KLHL36: variants seen among roughly 807,000 people sequenced by gnomAD.
KLHL36 encodes the protein kelch-like protein 36.
A neutral mutation model predicts 53.3 loss-of-function variants in KLHL36; 35 were observed. That is an observed-to-expected ratio of 0.66 (90% CI 0.50 to 0.87). The LOEUF is 0.87. Ranked by LOEUF, KLHL36 falls within the 40% of genes least tolerant of loss-of-function variation. The pLI, the probability that KLHL36 is intolerant of heterozygous loss-of-function variation, is 0.00. For synonymous variants in KLHL36, 472 were observed against 398.9 expected (o/e 1.18, Z -2.18); for missense variants, 864 against 897.6 (o/e 0.96, Z 0.48).
intron 2 of KLHL36, among the ~76,000 whole-genome samples, chr16:84,652,274 C>A (rs1034954980): frequency 1.2e-4 from 18 of 146,498 alleles, no homozygotes; most frequent in African/African-American, 3.7e-4. Flanking sequence ...ATGTTTCTAA[C>A]TTTTTTTTTT....
chr16:84,657,583 A>C lies in KLHL36; in HGVS notation c.776A>C (p.Lys259Thr). ...VKPAVCSLLPKEANCEGFIEE... is the reference protein window; with the variant it reads ...VKPAVCSLLPTEANCEGFIEE... ...CCGGCCGTGTGCTCGCTGCTGCCCA[A>C]GGAGGCCAACTGCGAGGGCTTCATC... is the stretch of plus-strand genomic sequence containing the variant. Residue 259 changes from lysine to threonine, a missense_variant, in exon 3 of 5, where the codon AAG becomes ACG. By Grantham distance (78) the Lys-to-Thr change is moderately conservative. Coordinates refer to ENST00000564996, the MANE Select transcript of KLHL36 (RefSeq NM_024731.4). 1 of 1,611,152 alleles carries C rather than the reference A, an allele frequency of 6.2e-7. No homozygotes were observed. The highest frequency in any genetic ancestry group is 8.5e-7 in the Non-Finnish European group (1 of 1,179,848).
In KLHL36 at chr16:84,648,898, C is replaced by G. The variant is rs1478014887; in HGVS notation, c.-17+249C>G. Reference sequence around the variant, plus strand: ...CCCCGCGCGTGGCAGGTGAGTGGCCCCCGCCCCGGGCCGTCCCGACTCCGC... The same window carrying G: ...CCCCGCGCGTGGCAGGTGAGTGGCCGCCGCCCCGGGCCGTCCCGACTCCGC... On this transcript the variant is annotated intron_variant, in intron 1 of 4. Transcript: ENST00000564996. This position sits in a 1 kb window ranked among gnomAD's most constrained non-coding sequence, Gnocchi z 4.9. 11 of 152,206 alleles carry G rather than the reference C, an allele frequency of 7.2e-5. No homozygotes were observed. In the East Asian group the frequency reaches 1.2e-3, roughly 16 times the overall value. 9.4% of individuals were successfully genotyped at this position (152,206 alleles called of 1,614,324 possible).
At chr16:84,658,369 G>A (rs1302523651) in intron 3 of KLHL36, 1 of 155,988 alleles carries the variant, frequency 6.4e-6, no homozygotes, top group Non-Finnish European at 1.4e-5. Context: ...TTGGACAGTA[G>A]CATGGGTCTA....
intron 3 of KLHL36, 86 bp downstream of exon 3, chr16:84,658,030 G>A: frequency 1.0e-6 from 1 of 1,000,700 alleles, no homozygotes; most frequent in Non-Finnish European, 1.4e-6. Context: ...ACCTCTCTGG[G>A]GCCTTGACAA....
intron 4 of KLHL36, among the ~76,000 whole-genome samples, chr16:84,660,509 A>AT (rs1907483314): frequency 6.6e-6 from 1 of 152,116 alleles, no homozygotes; most frequent in African/African-American, 2.4e-5. Context: ...GGTGCACACC[A>AT]TTTTTTCCAC....
rs1031092060 is a variant in KLHL36, at chr16:84,657,580, C to T, written c.773C>T (p.Pro258Leu). 3 of 1,611,010 alleles carry T rather than the reference C, an allele frequency of 1.9e-6. No individual in the cohort carries two copies. The highest frequency in any genetic ancestry group is 2.5e-6 in the Non-Finnish European group (3 of 1,179,854). The change falls in exon 3 of 5, where the codon CCC (proline) becomes CTC (leucine). Residue 258 changes from proline to leucine, a missense_variant. By Grantham distance (98) the Pro-to-Leu change is moderately conservative (BLOSUM62 -3). Coordinates refer to ENST00000564996, the MANE Select transcript of KLHL36 (RefSeq NM_024731.4). ...AAGCCGGCCGTGTGCTCGCTGCTGCCCAAGGAGGCCAACTGCGAGGGCTTC... is the reference window on the plus strand; with the variant it reads ...AAGCCGGCCGTGTGCTCGCTGCTGCTCAAGGAGGCCAACTGCGAGGGCTTC... Reference protein sequence around the residue: ...RVKPAVCSLLPKEANCEGFIE... With the variant: ...RVKPAVCSLLLKEANCEGFIE...
Position 84,666,681 on chromosome 16 carries a change from C to G in KLHL36, c.*4548C>G, listed in dbSNP as rs1907851575. ...AACAATGAACCATTCTTGCACTTTA[C>G]AGAATCATTGTCCTTAGCTTTAGAG... On this transcript the variant is annotated 3_prime_UTR_variant, in exon 5 of 5. Transcript: ENST00000564996. 1.3e-5 allele frequency: 2 copies of G among 152,190 alleles called. No individual in the cohort carries two copies. The highest frequency in any genetic ancestry group is 1.3e-4 in the Admixed American group (2 of 15,276). The allele number at this position is 152,190 out of a possible 1,614,324, so 9.4% of individuals were successfully genotyped here.
chr16:84,660,141 C>T (rs570769159), intron 4 of KLHL36, among the ~76,000 whole-genome samples: 6 of 152,202 alleles, frequency 3.9e-5, no homozygotes, highest in African/African-American at 1.4e-4. Flanking sequence ...GCCGCCATGA[C>T]GGACATCCCT....
Position 84,661,554 on chromosome 16 carries a change from T to TG in KLHL36, c.1296-23dup, listed in dbSNP as rs1441527881. The stretch of plus-strand genomic sequence containing the variant: ...CTGGCACAGCCCTGAGCTCTCCCTC[T>TG]GTCTCTGCCCGTCGACCCTGCAGGT... On this transcript the variant is annotated intron_variant, in intron 4 of 4. Coordinates refer to ENST00000564996, the MANE Select transcript of KLHL36 (RefSeq NM_024731.4). The surrounding 1 kb of genome is among the most constrained non-coding windows in gnomAD (Gnocchi z 7.9). The TG allele has an allele frequency of 1.9e-5, 29 of 1,552,488 alleles. No homozygotes were observed. The South Asian group carries it at 2.7e-4, about 14-fold the overall frequency.
chr16:84,649,934 C>T (rs1377842307), intron 1 of KLHL36, among the ~76,000 whole-genome samples: 3 of 152,190 alleles, frequency 2.0e-5, no homozygotes, highest in Non-Finnish European at 2.9e-5. Context: ...TCTGTGTTCC[C>T]TTCCATCTTT....
In KLHL36 at chr16:84,661,732, G is replaced by A. The variant is rs1288358121; in HGVS notation, c.1450G>A (p.Gly484Ser). 4 of 1,613,342 alleles carry A rather than the reference G, an allele frequency of 2.5e-6. No homozygotes were observed. The highest frequency in any genetic ancestry group is 3.4e-6 in the Non-Finnish European group (4 of 1,179,956). ...GCGGCGGCCCATGACCACGGCGCGC[G>A]GCTGGCACAGCATGTGCAGCCTGGG... ...EERRPMTTAR[G>S]WHSMCSLGDS... The change falls in exon 5 of 5, where the codon GGC becomes AGC. Residue 484 changes from glycine to serine, a missense_variant. Physicochemically the swap from Gly to Ser is moderately conservative, Grantham distance 56. Transcript: ENST00000564996. This position sits in a 1 kb window ranked among gnomAD's most constrained non-coding sequence, Gnocchi z 7.9.
chr16:84,659,870 G>A lies in KLHL36; in HGVS notation c.1248G>A (p.Thr416=), dbSNP rs775229789. Residue 416 remains threonine (T), a synonymous_variant, in exon 4 of 5, where the codon ACG becomes ACA. Coordinates refer to ENST00000564996, the MANE Select transcript of KLHL36 (RefSeq NM_024731.4). ...ACGGAGCGCTCTCTTCAGTAGAGAC[G>A]TACAGTCCCAAGACTGACTCCTGGT... ...NENGALSSVE[T]YSPKTDSWSY... is the part of the protein sequence containing the mutation. 1.8e-5 allele frequency: 29 copies of A among 1,614,004 alleles called. No individual in the cohort carries two copies. The highest frequency in any genetic ancestry group is 2.2e-5 in the South Asian group (2 of 91,082).
Position 84,659,894 on chromosome 16 carries a change from G to C in KLHL36, c.1272G>C (p.Trp424Cys). The C allele has an allele frequency of 6.2e-7, 1 of 1,609,278 alleles. No homozygotes were observed. Among genetic ancestry groups the C allele is most frequent in the Non-Finnish European group, 8.5e-7 (1 of 1,176,102 alleles). The change falls in exon 4 of 5, where the codon TGG becomes TGC. Residue 424 changes from tryptophan (W) to cysteine (C), a missense_variant. Trp to Cys is a radical substitution (Grantham distance 215). Coordinates refer to ENST00000564996, the MANE Select transcript of KLHL36 (RefSeq NM_024731.4). Reference protein sequence around the residue: ...VETYSPKTDSWSYVAGLPRFT... With the variant: ...VETYSPKTDSCSYVAGLPRFT... ...CGTACAGTCCCAAGACTGACTCCTG[G>C]TCCTATGTGGCCGGCTTGCCAAGGT... is the stretch of plus-strand genomic sequence containing the variant.
chr16:84,657,647 G>A lies in KLHL36; in HGVS notation c.840G>A (p.Gln280=), dbSNP rs1282725203. ...GCTACCACAACAACCTGGCGGCCCA[G>A]CCCGTCATGCAGACCAAGCGCACGG... ...AVRYHNNLAA[Q]PVMQTKRTAL... Residue 280 remains glutamine, a synonymous_variant, in exon 3 of 5, where the codon CAG becomes CAA. Transcript: ENST00000564996. The A allele has an allele frequency of 6.2e-7, 1 of 1,612,066 alleles. No individual in the cohort carries two copies. Among genetic ancestry groups the A allele is most frequent in the Non-Finnish European group, 8.5e-7 (1 of 1,179,582 alleles).
At chr16:84,656,154 C>T (rs1193147393) in intron 2 of KLHL36, among the ~76,000 whole-genome samples, 1 of 152,156 alleles carries the variant, frequency 6.6e-6, no homozygotes, top group Non-Finnish European at 1.5e-5. Context: ...CTCAGTCTCA[C>T]AAAGCATTGA....
Position 84,661,924 on chromosome 16 carries a change from A to G in KLHL36, c.1642A>G (p.Ile548Val), listed in dbSNP as rs1249609277. The G allele has an allele frequency of 1.9e-6, 3 of 1,601,892 alleles. No homozygotes were observed. Among genetic ancestry groups the G allele is most frequent in the South Asian group, 1.1e-5 (1 of 90,014 alleles). ...GGGCGTGGCAGTGTGGGAGGGCCGCATCTACATCCTGGGCGGCTACAGCTG... is the reference window on the plus strand; with the variant it reads ...GGGCGTGGCAGTGTGGGAGGGCCGCGTCTACATCCTGGGCGGCTACAGCTG... Reference protein sequence around the residue: ...ESGVAVWEGRIYILGGYSWEN... With the variant: ...ESGVAVWEGRVYILGGYSWEN... Residue 548 changes from isoleucine to valine, a missense_variant, in exon 5 of 5, where the codon ATC (isoleucine) becomes GTC (valine). Coordinates refer to ENST00000564996, the MANE Select transcript of KLHL36 (RefSeq NM_024731.4). This position sits in a 1 kb window ranked among gnomAD's most constrained non-coding sequence, Gnocchi z 7.9.
chr16:84,660,591 C>T (rs1567561423), intron 4 of KLHL36, among the ~76,000 whole-genome samples: 1 of 152,092 alleles, frequency 6.6e-6, no homozygotes, highest in East Asian at 1.9e-4. Flanking sequence ...TCCAGGTGTC[C>T]GTAAGAGTTA....
chr16:84,655,591 C>T (rs1399024416), intron 2 of KLHL36, among the ~76,000 whole-genome samples: 2 of 151,002 alleles, frequency 1.3e-5, no homozygotes, highest in Admixed American at 1.3e-4. Flanking sequence ...GTAGTCCCAG[C>T]TACTCAGGAG....
chr16:84,653,112 G>A (rs985302860), intron 2 of KLHL36, among the ~76,000 whole-genome samples: 3 of 152,170 alleles, frequency 2.0e-5, no homozygotes, highest in African/African-American at 7.2e-5. Flanking sequence ...AGCTCCTCAG[G>A]AGGCCGAGGT....
Sources: gnomAD v4.1 joint callset for allele counts (sites outside exome capture counted in the v4.1 genomes callset) on GRCh38, gnomAD v4.1.1 for gene constraint, Gnocchi (gnomAD v3.1) non-coding constraint, MANE v1.5 for transcripts, NCBI Gene and HGNC (gene_info 2026-07-23, HGNC 2026-07-21) for gene names.